Variants in POF1B observed in about 807,000 individuals in gnomAD.
The protein encoded by POF1B is POF1B actin binding protein, also known as protein POF1B.
A neutral mutation model predicts 55.3 loss-of-function variants in POF1B; 53 were observed. The observed-to-expected ratio is 0.96, with a 90% CI of 0.77 to 1.20. POF1B has a LOEUF of 1.20. Among genes scored for constraint, POF1B ranks in the 50% most tolerant of loss-of-function variants. The probability of loss-of-function intolerance (pLI) is 0.00; values close to 1 mark genes in which losing one functional copy is unlikely to be tolerated. For missense variants in POF1B, 478 were observed against 420.5 expected (o/e 1.14, Z -1.20); for synonymous variants, 188 against 148.3 (o/e 1.27, Z -1.95).
intron 4 of POF1B, among the ~76,000 whole-genome samples, chrX:85,352,107 A>G (rs988953061): frequency 1.8e-5 from 2 of 110,952 alleles, no homozygotes; most frequent in Admixed American, 9.6e-5. Flanking sequence ...ATGTCAGCCA[A>G]TGAAATATAG....
chrX:85,379,371 C>T lies in POF1B; in HGVS notation c.84G>A (p.Gln28=), dbSNP rs200033855. 1.7e-4 allele frequency: 200 copies of T among 1,207,588 alleles called. No individual in the cohort carries two copies. The East Asian group carries it at 5.6e-3, about 34-fold the overall frequency. The change falls in exon 2 of 17, where the codon CAG becomes CAA. Residue 28 remains glutamine (Q), a synonymous_variant. Transcript: ENST00000262753. ...QLPEVLQCQP[Q]HYHCYHQSSQ... ...TTGACTGATGGTAGCAGTGGTAATGCTGGGGCTGGCACTGCAGCACCTCTG... is the reference window on the plus strand; with the variant it reads ...TTGACTGATGGTAGCAGTGGTAATGTTGGGGCTGGCACTGCAGCACCTCTG...
At chrX:85,362,554 G>A (rs1208687374) in intron 3 of POF1B, among the ~76,000 whole-genome samples, 1 of 111,956 alleles carries the variant, frequency 8.9e-6, no homozygotes, top group Admixed American at 9.5e-5. Flanking sequence ...TTATTGATTT[G>A]TGAATGCTGA....
At position 85,351,335 on chromosome X, in the gene POF1B, C is replaced by G. The variant is rs772600998; in HGVS notation, c.540+15G>C. ...ATACACTTAAAAACAAGTTTTAAAA[C>G]AAAATATTACTTACCTGATCAGTAT... is the stretch of plus-strand genomic sequence containing the variant. On this transcript the variant is annotated intron_variant, in intron 5 of 16. Transcript: ENST00000262753. 1.8e-6 allele frequency: 2 copies of G among 1,094,282 alleles called. No individual in the cohort carries two copies. The highest frequency in any genetic ancestry group is 2.5e-6 in the Non-Finnish European group (2 of 808,601). The allele number at this position is 1,094,282 out of a possible 1,213,427, so 90.2% of individuals were successfully genotyped here.
chrX:85,299,220 C>T (rs1603028684), intron 15 of POF1B, among the ~76,000 whole-genome samples: 2 of 76,801 alleles, frequency 2.6e-5, no homozygotes, highest in South Asian at 8.0e-4. Flanking sequence ...GAGACGGAGT[C>T]TTGCTCAGTC....
chrX:85,310,749 T>C (rs1184612942), intron 9 of POF1B, among the ~76,000 whole-genome samples: 1 of 111,619 alleles, frequency 9.0e-6, no homozygotes, highest in Non-Finnish European at 1.9e-5. Flanking sequence ...AAGCTGAGCA[T>C]ATCCCAAACA....
At chrX:85,335,705 A>G (rs901292069) in intron 6 of POF1B, among the ~76,000 whole-genome samples, 1 of 109,918 alleles carries the variant, frequency 9.1e-6, no homozygotes, top group Non-Finnish European at 1.9e-5. Flanking sequence ...CTTTTTCTTT[A>G]ATTTTTAAAT....
rs1931826878 is a variant in POF1B, at chrX:85,278,552, T to C, written c.*869A>G. Reference sequence around the variant, plus strand: ...ATTTCTCCCAAGTAGGATAAATCTATCAAGTATTTGTTGCTGCTATTTTTA... The same window carrying C: ...ATTTCTCCCAAGTAGGATAAATCTACCAAGTATTTGTTGCTGCTATTTTTA... On this transcript the variant is annotated 3_prime_UTR_variant, in exon 17 of 17. Coordinates refer to ENST00000262753, the MANE Select transcript of POF1B (RefSeq NM_024921.4). 9.0e-6 allele frequency: 1 copy of C among 111,647 alleles called. No individual in the cohort carries two copies. Among genetic ancestry groups the C allele is most frequent in the South Asian group, 3.7e-4 (1 of 2,724 alleles). 9.2% of individuals were successfully genotyped at this position (111,647 alleles called of 1,213,427 possible).
At chrX:85,353,517 C>T (rs1933428877) in intron 4 of POF1B, among the ~76,000 whole-genome samples, 1 of 111,040 alleles carries the variant, frequency 9.0e-6, no homozygotes, top group Admixed American at 9.6e-5. Flanking sequence ...TTACGTGCTC[C>T]TAATAACAAT....
chrX:85,307,690 C>T (rs1196196363), intron 10 of POF1B, among the ~76,000 whole-genome samples: 1 of 111,527 alleles, frequency 9.0e-6, no homozygotes, highest in African/African-American at 3.3e-5. Flanking sequence ...ATGTATCTAG[C>T]TGATGGCACC....
chrX:85,315,060 T>C (rs1322440683), intron 8 of POF1B, among the ~76,000 whole-genome samples: 4 of 111,593 alleles, frequency 3.6e-5, no homozygotes, highest in Non-Finnish European at 7.6e-5. Flanking sequence ...GTGAAGTATT[T>C]CTTAAAGGCA....
At chrX:85,285,243 C>A (rs1335389409) in intron 15 of POF1B, among the ~76,000 whole-genome samples, 1 of 111,367 alleles carries the variant, frequency 9.0e-6, no homozygotes, top group African/African-American at 3.3e-5. Flanking sequence ...GACAGTGTGG[C>A]GATCCCTCAA....
At chrX:85,348,663 C>T (rs1933319892) in intron 5 of POF1B, among the ~76,000 whole-genome samples, 2 of 111,114 alleles carry the variant, frequency 1.8e-5, no homozygotes, top group African/African-American at 3.3e-5. Context: ...GGGCAGCTTT[C>T]GTGGTGGTTC....
At chrX:85,285,800 T>TA (rs1243317057) in intron 15 of POF1B, among the ~76,000 whole-genome samples, 1 of 111,218 alleles carries the variant, frequency 9.0e-6, no homozygotes, top group African/African-American at 3.3e-5. Flanking sequence ...TAAAGTATAA[T>TA]AAAAAATTTT....
intron 9 of POF1B, among the ~76,000 whole-genome samples, chrX:85,308,470 A>G (rs908017607): frequency 9.0e-6 from 1 of 111,243 alleles, no homozygotes; most frequent in African/African-American, 3.3e-5. Flanking sequence ...CTTTGTCACA[A>G]AGTAGAATTC....
intron 3 of POF1B, among the ~76,000 whole-genome samples, chrX:85,367,318 G>A (rs1231305668): frequency 9.0e-6 from 1 of 111,355 alleles, no homozygotes; most frequent in East Asian, 2.8e-4. Flanking sequence ...AGAAGAGTTA[G>A]TTATGACCCT....
chrX:85,335,669 TATTAG>T (rs1290140905), intron 6 of POF1B, among the ~76,000 whole-genome samples: 3 of 111,020 alleles, frequency 2.7e-5, no homozygotes, highest in Non-Finnish European at 5.7e-5. Flanking sequence ...ACCTAGTGCA[TATTAG>T]ATTATCTTTT....
intron 2 of POF1B, among the ~76,000 whole-genome samples, chrX:85,377,465 C>T (rs1177548672): frequency 8.9e-6 from 1 of 111,781 alleles, no homozygotes; most frequent in African/African-American, 3.2e-5. Flanking sequence ...ATTAATACTT[C>T]TTTTTTTCCC....
At chrX:85,299,292 T>C (rs1383505033) in intron 15 of POF1B, among the ~76,000 whole-genome samples, 12 of 93,179 alleles carry the variant, frequency 1.3e-4, no homozygotes, top group Non-Finnish European at 2.2e-4. Context: ...CCTGTTTTCT[T>C]TTTTTTTTTT....
chrX:85,311,321 A>G (rs1932691591), intron 9 of POF1B, among the ~76,000 whole-genome samples: 1 of 110,512 alleles, frequency 9.0e-6, no homozygotes, highest in Non-Finnish European at 1.9e-5. Flanking sequence ...TCATCTATCT[A>G]CATTAGGTAT....
Sources: allele counts gnomAD v4.1 joint callset (sites outside exome capture counted in the v4.1 genomes callset), GRCh38; gene constraint gnomAD v4.1.1; transcripts MANE v1.5; gene names NCBI Gene and HGNC (gene_info 2026-07-23, HGNC 2026-07-21).